The following FGF13 variants were observed in gnomAD, a reference collection of about 807,000 sequenced individuals.
The protein encoded by FGF13 is fibroblast growth factor homologous factor 2.
In FGF13, 2 loss-of-function variants were observed where a neutral mutation model predicts 19.5. That is an observed-to-expected ratio of 0.10 (90% CI 0.04 to 0.32). FGF13 has a LOEUF of 0.32. FGF13 is among the 10% of genes least tolerant of loss of function. FGF13 has a pLI of 1.00. For synonymous variants in FGF13, 72 were observed against 76.9 expected (o/e 0.94, Z 0.33); for missense variants, 113 against 192.7 (o/e 0.59, Z 2.45).
intron 1 of FGF13, among the ~76,000 whole-genome samples, chrX:139,106,622 A>G (rs939786579): frequency 8.9e-6 from 1 of 112,349 alleles, no homozygotes; most frequent in Non-Finnish European, 1.9e-5. Flanking sequence ...GCTGATTTAA[A>G]TATTTTAATG....
intron 1 of FGF13, among the ~76,000 whole-genome samples, chrX:139,200,698 G>A (rs2084408315): frequency 8.9e-6 from 1 of 112,432 alleles, no homozygotes; most frequent in South Asian, 3.6e-4. Context: ...CAAACATGTA[G>A]CCACAAACCT....
At chrX:138,784,364 C>A in intron 3 of FGF13, among the ~76,000 whole-genome samples, 1 of 107,778 alleles carries the variant, frequency 9.3e-6, no homozygotes, top group East Asian at 3.0e-4. Context: ...GTCCTGAGTT[C>A]TCTTGTGTCA....
At chrX:139,123,749 G>GGTGTTGAATAACAAT (rs763253987) in intron 1 of FGF13, among the ~76,000 whole-genome samples, 3 of 112,323 alleles carry the variant, frequency 2.7e-5, no homozygotes, top group African/African-American at 9.7e-5. Flanking sequence ...GCACACAGCA[G>GGTGTTGAATAACAAT]GTGTTGAATA....
chrX:139,107,774 T>C (rs978590331), intron 1 of FGF13, among the ~76,000 whole-genome samples: 7 of 110,224 alleles, frequency 6.4e-5, no homozygotes, highest in Non-Finnish European at 1.3e-4. Context: ...ATCACAATGA[T>C]GAGAAGGAAG....
At chrX:139,156,848 A>G (rs1327432047) in intron 1 of FGF13, among the ~76,000 whole-genome samples, 2 of 112,148 alleles carry the variant, frequency 1.8e-5, no homozygotes, top group African/African-American at 6.5e-5. Flanking sequence ...AGAAAAATGT[A>G]CCTGGTCCTT....
chrX:138,697,771 A>G (rs1226879256), intron 3 of FGF13, among the ~76,000 whole-genome samples: 1 of 111,586 alleles, frequency 9.0e-6, no homozygotes, highest in Non-Finnish European at 1.9e-5. Context: ...CCTGTTTCTA[A>G]TATCTGTTAT....
chrX:138,996,684 G>T (rs1468979711), intron 1 of FGF13, among the ~76,000 whole-genome samples: 2 of 112,598 alleles, frequency 1.8e-5, no homozygotes, highest in Non-Finnish European at 3.8e-5. Context: ...CCCAGTCAGG[G>T]ACTTATAGAT....
intron 1 of FGF13, among the ~76,000 whole-genome samples, chrX:139,181,766 T>A (rs1290334860): frequency 8.9e-6 from 1 of 112,172 alleles, no homozygotes; most frequent in Non-Finnish European, 1.9e-5. Flanking sequence ...AACTGACTGA[T>A]ATAATTCAGA....
chrX:139,006,907 A>G (rs994576918), intron 1 of FGF13, among the ~76,000 whole-genome samples: 8 of 111,607 alleles, frequency 7.2e-5, no homozygotes, highest in Non-Finnish European at 1.3e-4. Context: ...ATCTTCCCTA[A>G]AAGGAAGACA....
At chrX:138,676,522 A>G (rs1474334186) in intron 3 of FGF13, among the ~76,000 whole-genome samples, 10 of 111,798 alleles carry the variant, frequency 8.9e-5, no homozygotes, top group Non-Finnish European at 1.7e-4. Context: ...CAGTCTTTCA[A>G]TCTATGAAAT....
chrX:138,937,311 A>G (rs1035545544), intron 1 of FGF13, among the ~76,000 whole-genome samples: 7 of 111,632 alleles, frequency 6.3e-5, no homozygotes, highest in African/African-American at 2.0e-4. Flanking sequence ...AATATTTTCA[A>G]TACAACTTAT....
In FGF13 at chrX:139,189,756, G is replaced by C. The variant is rs149809341; in HGVS notation, c.-113+13660C>G. Among the ~76,000 whole-genome samples the C allele has an allele frequency of 8.3e-3, 932 of 111,902 alleles. 10 individuals carry two copies. The highest frequency in any genetic ancestry group is 0.028 in the African/African-American group (871 of 30,772). The stretch of plus-strand genomic sequence containing the variant: ...AACGTTCTGAAGACTGGTTGCACAA[G>C]CAGTCTTCAGATTATATACTTCAGT... On this transcript the variant is annotated intron_variant, in intron 1 of 2. Transcript: ENST00000421460.
intron 1 of FGF13, among the ~76,000 whole-genome samples, chrX:139,038,364 T>A (rs960088343): frequency 5.4e-5 from 6 of 111,446 alleles, no homozygotes; most frequent in Admixed American, 3.8e-4. Context: ...GTACCACCTG[T>A]TTCCTGTCGG....
rs564167087 is a variant in FGF13 at position 139,151,613 on chromosome X, C to A, written c.-113+51803G>T. On this transcript the variant is annotated intron_variant, in intron 1 of 2. Coordinates refer to the FGF13 transcript ENST00000421460. ...TTAATTTTTTCAATTACTTTACTTT[C>A]GCCGGAAAAAGAGCAGATTTGGATG... 3.6e-5 allele frequency among the ~76,000 whole-genome samples: 4 copies of A among 111,389 alleles called. No individual in the cohort carries two copies. In the East Asian group the frequency reaches 1.1e-3, roughly 31 times the overall value.
intron 3 of FGF13, among the ~76,000 whole-genome samples, chrX:138,832,845 G>A (rs1014182582): frequency 8.9e-5 from 10 of 111,981 alleles, no homozygotes; most frequent in Admixed American, 3.8e-4. Context: ...TGTATATGGT[G>A]TAAGAAAAGG....
intron 1 of FGF13, among the ~76,000 whole-genome samples, chrX:138,718,334 G>A (rs1203048908): frequency 1.8e-5 from 2 of 111,758 alleles, no homozygotes; most frequent in African/African-American, 6.5e-5. Flanking sequence ...TGAAAAGCTA[G>A]GGGAAAAAAT....
intron 1 of FGF13, among the ~76,000 whole-genome samples, chrX:138,728,081 T>C (rs1732355680): frequency 8.9e-6 from 1 of 111,785 alleles, no homozygotes; most frequent in African/African-American, 3.2e-5. Context: ...TTACATGCAG[T>C]AAAATATAAA....
At position 138,626,408 on chromosome X, in the gene FGF13, G is replaced by A. The variant is rs1039548288; in HGVS notation, c.*6442C>T. ...GAGCGTCTACACTTCCCTTCTGGCT[G>A]TTGAATTCCTACTCATCTTTTAAGA... On this transcript the variant is annotated 3_prime_UTR_variant, in exon 5 of 5. Coordinates refer to ENST00000315930, the MANE Select transcript of FGF13 (RefSeq NM_004114.5). The A allele has an allele frequency of 3.6e-5, 4 of 112,239 alleles. No individual in the cohort carries two copies. Among genetic ancestry groups the A allele is most frequent in the Non-Finnish European group, 5.6e-5 (3 of 53,252 alleles). 9.2% of individuals were successfully genotyped at this position (112,239 alleles called of 1,213,427 possible).
At chrX:138,687,677 A>C (rs1167574313) in intron 3 of FGF13, among the ~76,000 whole-genome samples, 1 of 112,085 alleles carries the variant, frequency 8.9e-6, no homozygotes. Context: ...GGAAATCAGC[A>C]TATCAAAGAG....
Sources: gnomAD v4.1 joint callset for allele counts (sites outside exome capture counted in the v4.1 genomes callset) on GRCh38, gnomAD v4.1.1 for gene constraint, MANE v1.5 for transcripts, NCBI Gene and HGNC (gene_info 2026-07-23, HGNC 2026-07-21) for gene names.